The following KCNQ5 variants were observed in gnomAD, a reference collection of about 807,000 sequenced individuals.
The protein encoded by KCNQ5 is potassium voltage-gated channel subfamily Q member 5, also known as potassium voltage-gated channel subfamily KQT member 5.
Under a neutral mutation model 98.2 loss-of-function variants are expected in KCNQ5, and 30 were observed. That is an observed-to-expected ratio of 0.31 (90% CI 0.23 to 0.41). KCNQ5 has a LOEUF of 0.41. KCNQ5 is among the 10% of genes least tolerant of loss of function. The pLI, the probability that KCNQ5 is intolerant of heterozygous loss-of-function variation, is 1.00. For missense variants in KCNQ5, 835 were observed against 1,182.5 expected, an observed-to-expected ratio of 0.71 and a Z score of 4.31; for synonymous variants, 458 against 449.4, an observed-to-expected ratio of 1.02 and a Z score of -0.24.
At chr6:73,095,151 C>G (rs1935531) in intron 5 of KCNQ5, among the ~76,000 whole-genome samples, 132,969 of 152,210 alleles carry the variant, frequency 0.87, 58,759 homozygotes, top group South Asian at 0.96. Context: ...TTATGGAGTG[C>G]GTTAACTGAA....
intron 3 of KCNQ5, among the ~76,000 whole-genome samples, chr6:73,053,514 TA>T (rs201084111): frequency 3.3e-5 from 5 of 150,696 alleles, no homozygotes; most frequent in East Asian, 1.9e-4. Context: ...CCTTAGCAAA[TA>T]AAAAAAAATC....
intron 1 of KCNQ5, among the ~76,000 whole-genome samples, chr6:72,635,670 GTTTTTTTT>G (rs528990234): frequency 1.5e-5 from 1 of 65,074 alleles, no homozygotes; most frequent in Non-Finnish European, 2.9e-5. Context: ...ATTGCTCCTA[GTTTTTTTT>G]TTTTTTTTTT....
At chr6:72,936,178 T>C (rs1369107312) in intron 1 of KCNQ5, among the ~76,000 whole-genome samples, 1 of 152,242 alleles carries the variant, frequency 6.6e-6, no homozygotes, top group Non-Finnish European at 1.5e-5. Context: ...AGAGTCTTGA[T>C]GTCACCCAAA....
intron 1 of KCNQ5, among the ~76,000 whole-genome samples, chr6:72,891,486 C>T (rs988971861): frequency 6.6e-6 from 1 of 152,134 alleles, no homozygotes. Context: ...ATTACTATCA[C>T]TATTAACCAT....
intron 2 of KCNQ5, among the ~76,000 whole-genome samples, chr6:73,024,127 C>T (rs1770747551): frequency 6.6e-6 from 1 of 152,174 alleles, no homozygotes; most frequent in Non-Finnish European, 1.5e-5. Context: ...TTGACAACCA[C>T]ACACCTAAGC....
chr6:73,195,396 T>C lies in KCNQ5; in HGVS notation c.2781T>C (p.Pro927=), dbSNP rs781572020. The change falls in exon 14 of 14, where the codon CCT becomes CCC. Residue 927 remains proline (P), a synonymous_variant. Coordinates refer to ENST00000370398, the MANE Select transcript of KCNQ5 (RefSeq NM_019842.4). ...AGESTDALSL[P]HVKLK ...AAAGTACAGATGCCCTCAGCTTGCC[T>C]CATGTCAAACTGAAATAAGTTCTTC... 6.2e-7 allele frequency: 1 copy of C among 1,612,886 alleles called. No individual in the cohort carries two copies. The highest frequency in any genetic ancestry group is 8.5e-7 in the Non-Finnish European group (1 of 1,178,992).
chr6:72,959,595 T>C (rs1403217077), intron 1 of KCNQ5, among the ~76,000 whole-genome samples: 1 of 152,192 alleles, frequency 6.6e-6, no homozygotes, highest in African/African-American at 2.4e-5. Context: ...TAGCGAACAA[T>C]ATTCTTTTGG....
intron 1 of KCNQ5, among the ~76,000 whole-genome samples, chr6:72,859,001 G>T (rs1777646081): frequency 6.7e-6 from 1 of 149,942 alleles, no homozygotes; most frequent in Admixed American, 6.7e-5. Context: ...ATTTTTACGA[G>T]TCTATACATA....
chr6:72,622,912 C>T lies in KCNQ5; in HGVS notation c.398+325C>T, dbSNP rs571808416. 2.6e-5 allele frequency among the ~76,000 whole-genome samples: 4 copies of T among 152,284 alleles called. No individual in the cohort carries two copies. In the South Asian group the frequency reaches 8.3e-4, roughly 32 times the overall value. On this transcript the variant is annotated intron_variant, in intron 1 of 13. Coordinates refer to ENST00000370398, the MANE Select transcript of KCNQ5 (RefSeq NM_019842.4). The surrounding 1 kb of genome is among the most constrained non-coding windows in gnomAD (Gnocchi z 6.0). ...GCAATTAGGTCCCAAGATACGTAAA[C>T]TTCAACCGAACGGGGCGCCCGGGAG...
At chr6:72,754,817 TG>T (rs1771878227) in intron 1 of KCNQ5, among the ~76,000 whole-genome samples, 1 of 152,140 alleles carries the variant, frequency 6.6e-6, no homozygotes, top group African/African-American at 2.4e-5. Context: ...TAGGTCAAGT[TG>T]GTTGACAGTG....
chr6:72,641,711 G>A (rs1049253805), intron 1 of KCNQ5, among the ~76,000 whole-genome samples: 5 of 151,994 alleles, frequency 3.3e-5, no homozygotes, highest in African/African-American at 1.2e-4. Flanking sequence ...CATTAGAAAG[G>A]TGATGGTTTC....
intron 2 of KCNQ5, among the ~76,000 whole-genome samples, chr6:73,028,254 C>T (rs115751771): frequency 1.2e-4 from 18 of 152,308 alleles, no homozygotes; most frequent in African/African-American, 4.3e-4. Context: ...ACGGTGTGAA[C>T]AACACAGCTG....
intron 1 of KCNQ5, among the ~76,000 whole-genome samples, chr6:72,877,233 G>A (rs1240811038): frequency 6.6e-6 from 1 of 152,018 alleles, no homozygotes; most frequent in Non-Finnish European, 1.5e-5. Context: ...CCCCCCGACA[G>A]GCCCTGGTGT....
Position 72,987,582 on chromosome 6 carries a change from G to A in KCNQ5, c.399-16326G>A, listed in dbSNP as rs1162158198. 3.4e-5 allele frequency: 21 copies of A among 626,690 alleles called. No individual in the cohort carries two copies. In the East Asian group the frequency reaches 7.4e-4, roughly 22 times the overall value. The allele number at this position is 626,690 out of a possible 1,614,324, so 38.8% of individuals were successfully genotyped here. ...GGTCCAACATAGCCCTCAGCAAGAAGGCGGCCGACAGCCTGCAGCAGAACC... is the reference window on the plus strand; with the variant it reads ...GGTCCAACATAGCCCTCAGCAAGAAAGCGGCCGACAGCCTGCAGCAGAACC... On this transcript the variant is annotated intron_variant, in intron 1 of 13. Coordinates refer to ENST00000370398, the MANE Select transcript of KCNQ5 (RefSeq NM_019842.4).
At chr6:72,785,244 T>C (rs547098705) in intron 1 of KCNQ5, among the ~76,000 whole-genome samples, 2 of 152,188 alleles carry the variant, frequency 1.3e-5, no homozygotes, top group African/African-American at 4.8e-5. Context: ...TCCCTGGCAC[T>C]GTGACTATGC....
intron 1 of KCNQ5, among the ~76,000 whole-genome samples, chr6:72,965,500 T>C (rs1489675860): frequency 6.6e-6 from 1 of 152,162 alleles, no homozygotes; most frequent in East Asian, 1.9e-4. Context: ...CTGTATCTCC[T>C]TCTGTTTTTT....
intron 1 of KCNQ5, among the ~76,000 whole-genome samples, chr6:72,687,000 G>T (rs1767991616): frequency 6.6e-6 from 1 of 152,048 alleles, no homozygotes; most frequent in Non-Finnish European, 1.5e-5. Flanking sequence ...GGATAATTCA[G>T]ATTTAGAATG....
At chr6:73,055,875 C>A (rs371530653) in intron 3 of KCNQ5, 3 of 618,040 alleles carry the variant, frequency 4.9e-6, no homozygotes, top group African/African-American at 3.6e-5. Flanking sequence ...CAAACAGGCA[C>A]CCTCCCTGCC....
chr6:73,030,431 G>A (rs1197198591), intron 2 of KCNQ5, among the ~76,000 whole-genome samples: 1 of 152,176 alleles, frequency 6.6e-6, no homozygotes, highest in Non-Finnish European at 1.5e-5. Flanking sequence ...AATGTGCACA[G>A]AAAGATGTGT....
Sources: gnomAD v4.1 joint callset for allele counts (sites outside exome capture counted in the v4.1 genomes callset) on GRCh38, gnomAD v4.1.1 for gene constraint, Gnocchi (gnomAD v3.1) non-coding constraint, MANE v1.5 for transcripts, NCBI Gene and HGNC (gene_info 2026-07-23, HGNC 2026-07-21) for gene names.